The following TBL1XR1 variants were observed in gnomAD, a reference collection of about 807,000 sequenced individuals.
TBL1XR1 encodes the protein F-box-like/WD repeat-containing protein TBL1XR1.
TBL1XR1 carries 5 observed loss-of-function variants against 66.9 expected under a neutral mutation model. The ratio of observed to expected loss-of-function variants is 0.07; its 90% CI spans 0.04 to 0.16. The LOEUF (loss-of-function observed/expected upper bound fraction) is 0.16, where lower values mean the gene tolerates loss of function less well. Ranked by LOEUF, TBL1XR1 falls within the 10% of genes least tolerant of loss-of-function variation. TBL1XR1 has a pLI of 1.00. For missense variants in TBL1XR1, 238 were observed against 623.2 expected, an observed-to-expected ratio of 0.38 and a Z score of 6.58; for synonymous variants, 210 against 206.0, an observed-to-expected ratio of 1.02 and a Z score of -0.17.
intron 14 of TBL1XR1, among the ~76,000 whole-genome samples, chr3:177,031,863 C>T (rs1362704951): frequency 6.6e-6 from 1 of 151,958 alleles, no homozygotes; most frequent in African/African-American, 2.4e-5. Context: ...TCTGCAACCA[C>T]ATTACAAAGG....
At position 177,070,683 on chromosome 3, in the gene TBL1XR1, T is replaced by C. The variant is rs188710743; in HGVS notation, c.-45-5661A>G. ...GGCCAACGTGGCGAAACCCCATCTCTACTAAAATACAAAAATTAGCCAGCA... is the reference window on the plus strand; with the variant it reads ...GGCCAACGTGGCGAAACCCCATCTCCACTAAAATACAAAAATTAGCCAGCA... On this transcript the variant is annotated intron_variant, in intron 2 of 15. Coordinates refer to ENST00000457928, the MANE Select transcript of TBL1XR1 (RefSeq NM_024665.7). Among the ~76,000 whole-genome samples the C allele has an allele frequency of 5.1e-3, 769 of 152,102 alleles. 4 individuals are homozygous for C. Among genetic ancestry groups the C allele is most frequent in the Non-Finnish European group, 8.4e-3 (573 of 67,976 alleles).
intron 1 of TBL1XR1, among the ~76,000 whole-genome samples, chr3:177,146,953 A>G (rs988696551): frequency 1.3e-5 from 2 of 152,038 alleles, no homozygotes; most frequent in Non-Finnish European, 2.9e-5. Flanking sequence ...AACATTTCCC[A>G]TTTCATCACA....
intron 1 of TBL1XR1, among the ~76,000 whole-genome samples, chr3:177,111,861 G>A (rs144348667): frequency 5.6e-4 from 85 of 151,096 alleles, no homozygotes; most frequent in African/African-American, 2.0e-3. Context: ...AATGCACCTG[G>A]GTCCTCATCC....
chr3:177,026,071 T>C (rs893556751), intron 15 of TBL1XR1: 3 of 384,646 alleles, frequency 7.8e-6, no homozygotes, highest in South Asian at 6.6e-5. Flanking sequence ...GAAATACACA[T>C]TAAACATTTC....
chr3:177,101,137 G>A (rs1296559915), intron 1 of TBL1XR1, among the ~76,000 whole-genome samples: 2 of 151,744 alleles, frequency 1.3e-5, no homozygotes, highest in South Asian at 2.1e-4. Flanking sequence ...GATTACAGGC[G>A]TGAGCCACCA....
At chr3:177,126,569 C>T (rs1727657148) in intron 1 of TBL1XR1, among the ~76,000 whole-genome samples, 1 of 152,166 alleles carries the variant, frequency 6.6e-6, no homozygotes, top group South Asian at 2.1e-4. Flanking sequence ...GAAATAACTG[C>T]TTATTCCTTT....
chr3:177,167,195 A>T (rs1368096944), intron 1 of TBL1XR1, among the ~76,000 whole-genome samples: 1 of 152,232 alleles, frequency 6.6e-6, no homozygotes, highest in Non-Finnish European at 1.5e-5. Flanking sequence ...CCATGAAAGG[A>T]CATGGAGGAA....
At chr3:177,075,267 T>TTG (rs1295273180) in intron 2 of TBL1XR1, among the ~76,000 whole-genome samples, 1 of 152,242 alleles carries the variant, frequency 6.6e-6, no homozygotes, top group Non-Finnish European at 1.5e-5. Flanking sequence ...CCACCTTGCT[T>TTG]TGTGTCTGAG....
At chr3:177,084,285 C>T (rs191126096) in intron 2 of TBL1XR1, among the ~76,000 whole-genome samples, 4 of 152,228 alleles carry the variant, frequency 2.6e-5, no homozygotes, top group Non-Finnish European at 5.9e-5. Context: ...CTGTCCTCAC[C>T]ACTCATTCCT....
At chr3:177,043,381 TTGAC>T (rs1715868195) in intron 10 of TBL1XR1, among the ~76,000 whole-genome samples, 1 of 152,200 alleles carries the variant, frequency 6.6e-6, no homozygotes, top group African/African-American at 2.4e-5. Context: ...TTTTGTTGAA[TTGAC>T]TGTTTATCTT....
rs1727350444 is a variant in TBL1XR1 at position 177,124,348 on chromosome 3, G to GT, written c.-121-25808dup. Among the ~76,000 whole-genome samples, 5 of 152,132 alleles carry GT rather than the reference G, an allele frequency of 3.3e-5. No individual in the cohort carries two copies. The South Asian group carries it at 1.0e-3, about 32-fold the overall frequency. On this transcript the variant is annotated intron_variant, in intron 1 of 15. Coordinates refer to ENST00000457928, the MANE Select transcript of TBL1XR1 (RefSeq NM_024665.7). The stretch of plus-strand genomic sequence containing the variant: ...TCCCAGAACTCTGTCAACAACCTTT[G>GT]TTTTCAATGCAGAAATCATTTCTGT...
intron 1 of TBL1XR1, among the ~76,000 whole-genome samples, chr3:177,124,504 A>G (rs1208443357): frequency 6.6e-6 from 1 of 152,072 alleles, no homozygotes; most frequent in African/African-American, 2.4e-5. Flanking sequence ...AATATGTCTA[A>G]CTATTAACTA....
chr3:177,120,828 A>C (rs947761153), intron 1 of TBL1XR1: 6 of 152,256 alleles, frequency 3.9e-5, no homozygotes, highest in African/African-American at 1.2e-4. Flanking sequence ...AATCACTATC[A>C]CATAGTGTAG....
chr3:177,054,415 C>T (rs1395690619), intron 3 of TBL1XR1, among the ~76,000 whole-genome samples: 1 of 152,084 alleles, frequency 6.6e-6, no homozygotes. Flanking sequence ...CAGCATCTCT[C>T]AAAAGTGGTA....
intron 9 of TBL1XR1, 95 bp downstream of exon 9, chr3:177,047,205 T>C (rs529086480): frequency 1.1e-5 from 11 of 1,007,218 alleles, no homozygotes; most frequent in East Asian, 1.1e-4. Flanking sequence ...ATTTCCCAAA[T>C]AGGAATGTTT....
chr3:177,196,274 C>T (rs1384072038), intron 1 of TBL1XR1: 1 of 152,120 alleles, frequency 6.6e-6, no homozygotes, highest in Non-Finnish European at 1.5e-5. Flanking sequence ...TACCGAGAAA[C>T]CACCCTCACA....
At chr3:177,058,068 C>T (rs959627063) in intron 3 of TBL1XR1, among the ~76,000 whole-genome samples, 2 of 152,016 alleles carry the variant, frequency 1.3e-5, no homozygotes, top group Non-Finnish European at 1.5e-5. Flanking sequence ...ATAGGCAATA[C>T]AAGAATAAGA....
At position 177,022,021 on chromosome 3, in the gene TBL1XR1, CAAT is replaced by C. The variant is rs1310735414; in HGVS notation, c.*3474_*3476del. ...GCACAGTCCTCTTTAGGCCTCTACT[CAAT>C]AATAGTTTACATTACTCTTAACAAA... On this transcript the variant is annotated 3_prime_UTR_variant, in exon 16 of 16. Transcript: ENST00000457928. 13 of 152,488 alleles carry C rather than the reference CAAT, an allele frequency of 8.5e-5. No individual in the cohort carries two copies. The highest frequency in any genetic ancestry group is 3.1e-4 in the African/African-American group (13 of 41,414). The allele number at this position is 152,488 out of a possible 1,614,324, so 9.4% of individuals were successfully genotyped here. A position where few individuals can be genotyped will look rare whatever the true frequency, so the allele number is the denominator to read the frequency against.
upstream of TBL1XR1, chr3:177,197,495 G>C (rs1320517308): frequency 6.7e-6 from 1 of 148,262 alleles, no homozygotes; most frequent in African/African-American, 2.4e-5. Flanking sequence ...AGCAGCCAAC[G>C]GCTCAGACAC....
Sources: gnomAD v4.1 joint callset for allele counts (sites outside exome capture counted in the v4.1 genomes callset) on GRCh38, gnomAD v4.1.1 for gene constraint, MANE v1.5 for transcripts, NCBI Gene and HGNC (gene_info 2026-07-23, HGNC 2026-07-21) for gene names.